The following ROPN1 variants were observed in gnomAD, a reference collection of about 807,000 sequenced individuals.
ROPN1 encodes rhophilin associated tail protein 1.
A neutral mutation model predicts 20.5 loss-of-function variants in ROPN1; 14 were observed. The ratio of observed to expected loss-of-function variants is 0.68; its 90% CI spans 0.45 to 1.07. The LOEUF is 1.07. ROPN1 is among the 50% of genes least tolerant of loss of function. The pLI is 0.00. For synonymous variants in ROPN1, 76 were observed against 95.7 expected (o/e 0.79, Z 1.20); for missense variants, 169 against 242.8 (o/e 0.70, Z 2.02).
rs886701192 is a variant in ROPN1 at position 123,969,295 on chromosome 3, C to G, written c.573-74G>C. On this transcript the variant is annotated intron_variant, in intron 5 of 5. Transcript: ENST00000405845. ...TAAGAAAGACAATATGCAAACAACT[C>G]TCATTTCACATTAATTCTGCTGTTG... The G allele has an allele frequency of 4.3e-6, 5 of 1,176,414 alleles. No homozygotes were observed. The African/African-American group carries it at 7.7e-5, about 18-fold the overall frequency. The allele number at this position is 1,176,414 out of a possible 1,614,324, so 72.9% of individuals were successfully genotyped here.
At chr3:123,989,200 A>T (rs2038341400) in intron 1 of ROPN1, among the ~76,000 whole-genome samples, 1 of 152,182 alleles carries the variant, frequency 6.6e-6, no homozygotes, top group Non-Finnish European at 1.5e-5. Flanking sequence ...AGTTCAGGGA[A>T]CTGTAATTAT....
chr3:123,979,461 G>A (rs1372083203), intron 2 of ROPN1: 2 of 356,516 alleles, frequency 5.6e-6, no homozygotes, highest in Non-Finnish European at 1.1e-5. Context: ...AAAATGGTCC[G>A]TGAGGTCTAG....
intron 1 of ROPN1, among the ~76,000 whole-genome samples, chr3:123,983,672 T>C (rs7611435): frequency 0.065 from 9,926 of 152,250 alleles, 1,056 homozygotes; most frequent in African/African-American, 0.22. Flanking sequence ...TTCTTTAACC[T>C]CTTGCAGTTT....
chr3:123,974,526 A>C (rs1186004842), intron 4 of ROPN1: 1 of 152,242 alleles, frequency 6.6e-6, no homozygotes, highest in Non-Finnish European at 1.5e-5. Flanking sequence ...AACCTGTCAA[A>C]TATGTATTCC....
At chr3:123,985,350 T>C (rs113237819) in intron 1 of ROPN1, among the ~76,000 whole-genome samples, 188 of 152,344 alleles carry the variant, frequency 1.2e-3, no homozygotes, top group African/African-American at 4.3e-3. Context: ...AATGATAATC[T>C]TTATGCATAT....
rs201876115 is a variant in ROPN1 at position 123,969,236 on chromosome 3, G to C, written c.573-15C>G. On this transcript the variant is annotated splice_polypyrimidine_tract_variant and intron_variant, in intron 5 of 5. Coordinates refer to ENST00000405845, the MANE Select transcript of ROPN1 (RefSeq NM_001317774.2). ...CAGGGCCAATTCTGTTTGGAAAAAG[G>C]TATATCTGCAGTTAGTTCATTGACA... is the stretch of plus-strand genomic sequence containing the variant. The C allele has an allele frequency of 6.3e-7, 1 of 1,595,000 alleles. No homozygotes were observed. Among genetic ancestry groups the C allele is most frequent in the South Asian group, 1.1e-5 (1 of 90,620 alleles).
At position 123,969,073 on chromosome 3, in the gene ROPN1, A is replaced by G. The variant is rs1435190916; in HGVS notation, c.*82T>C. 4.0e-5 allele frequency: 45 copies of G among 1,112,534 alleles called. No homozygotes were observed. Among genetic ancestry groups the G allele is most frequent in the Non-Finnish European group, 5.4e-5 (39 of 725,476 alleles). The allele number at this position is 1,112,534 out of a possible 1,614,324, so 68.9% of individuals were successfully genotyped here. A position where few individuals can be genotyped will look rare whatever the true frequency, so the allele number is the denominator to read the frequency against. On this transcript the variant is annotated 3_prime_UTR_variant, in exon 6 of 6. Coordinates refer to ENST00000405845, the MANE Select transcript of ROPN1 (RefSeq NM_001317774.2). ...GTGTACCAGTTGTACAAGAAAATTG[A>G]TTTTGGGTGGTATATGGGTTTCAGT...
intron 3 of ROPN1, among the ~76,000 whole-genome samples, 186 bp downstream of exon 3, chr3:123,976,678 A>G (rs899658541): frequency 7.2e-5 from 11 of 152,226 alleles, no homozygotes; most frequent in South Asian, 2.1e-4. Context: ...GACTCAGCCT[A>G]CAGCCTATTT....
chr3:123,979,666 G>A (rs2038096148), intron 2 of ROPN1: 1 of 385,380 alleles, frequency 2.6e-6, no homozygotes, highest in Admixed American at 3.3e-5. Context: ...CGTGTTTGAG[G>A]CACACTGTTT....
At chr3:123,983,308 T>C (rs926664250) in intron 1 of ROPN1, among the ~76,000 whole-genome samples, 52 of 152,230 alleles carry the variant, frequency 3.4e-4, no homozygotes, top group African/African-American at 1.2e-3. Context: ...ATGGATCATA[T>C]GGTAATTGTA....
Position 123,969,190 on chromosome 3 carries a change from C to A in ROPN1, c.604G>T (p.Asp202Tyr). The change falls in exon 6 of 6, where the codon GAC (aspartate) becomes TAC (tyrosine). Residue 202 changes from aspartate to tyrosine, a missense_variant. Coordinates refer to ENST00000405845, the MANE Select transcript of ROPN1 (RefSeq NM_001317774.2). ...TGAACCCTGGGGTTTTGGGTAAAGT[C>A]ATTCACTGTGATTATACCATCAGGG... Reference protein sequence around the residue: ...IGPDGIITVNDFTQNPRVQLE With the variant: ...IGPDGIITVNYFTQNPRVQLE 1 of 1,614,100 alleles carries A rather than the reference C, an allele frequency of 6.2e-7. No homozygotes were observed. Among genetic ancestry groups the A allele is most frequent in the South Asian group, 1.1e-5 (1 of 91,078 alleles).
intron 1 of ROPN1, among the ~76,000 whole-genome samples, chr3:123,983,133 T>G (rs1188205731): frequency 6.6e-6 from 1 of 152,204 alleles, no homozygotes. Context: ...AATACTATTT[T>G]GCTAGATGTA....
At chr3:123,981,275 T>C (rs1405882188) in intron 1 of ROPN1, 2 of 152,274 alleles carry the variant, frequency 1.3e-5, no homozygotes, top group African/African-American at 2.4e-5. Flanking sequence ...CCTTTCACAT[T>C]GCCTTGCTGG....
chr3:123,982,244 T>C (rs1172026300), intron 1 of ROPN1, among the ~76,000 whole-genome samples: 2 of 152,214 alleles, frequency 1.3e-5, no homozygotes, highest in African/African-American at 4.8e-5. Flanking sequence ...GATAAAATGA[T>C]AAAAAGCTTC....
intron 4 of ROPN1, among the ~76,000 whole-genome samples, chr3:123,972,404 G>A (rs1452971655): frequency 6.6e-6 from 1 of 152,188 alleles, no homozygotes; most frequent in African/African-American, 2.4e-5. Context: ...CATCTTGCGA[G>A]CTTCATTTTC....
intron 1 of ROPN1, among the ~76,000 whole-genome samples, chr3:123,987,374 C>T (rs2038287163): frequency 6.6e-6 from 1 of 152,232 alleles, no homozygotes; most frequent in African/African-American, 2.4e-5. Context: ...TGCCTTCCCT[C>T]TGTCCACTGT....
rs373319717 is a variant in ROPN1, at chr3:123,978,000, TC to T, written c.117-1020del. On this transcript the variant is annotated intron_variant, in intron 2 of 5. Transcript: ENST00000405845. ...ACGATCCATGAACCACAAATTTCTG[TC>T]CCGCCCTGCTTTTTTCCCTCCATTA... 1.8e-4 allele frequency among the ~76,000 whole-genome samples: 27 copies of T among 152,206 alleles called. No individual in the cohort carries two copies. In the East Asian group the frequency reaches 2.5e-3, roughly 14 times the overall value.
intron 1 of ROPN1, among the ~76,000 whole-genome samples, chr3:123,991,715 G>T (rs2038413933): frequency 6.7e-6 from 1 of 149,148 alleles, no homozygotes; most frequent in Non-Finnish European, 1.5e-5. Context: ...AGTATTCTGG[G>T]TACAAAATAC....
At chr3:123,991,731 C>G (rs1190482068) in intron 1 of ROPN1, among the ~76,000 whole-genome samples, 191 bp downstream of exon 1, 1 of 151,442 alleles carries the variant, frequency 6.6e-6, no homozygotes, top group Admixed American at 6.6e-5. Context: ...AATACGCACA[C>G]AAATTGGCCA....
Sources: gnomAD v4.1 joint callset for allele counts (sites outside exome capture counted in the v4.1 genomes callset) on GRCh38, gnomAD v4.1.1 for gene constraint, MANE v1.5 for transcripts, NCBI Gene and HGNC (gene_info 2026-07-23, HGNC 2026-07-21) for gene names.